STS: variants seen among roughly 807,000 people sequenced by gnomAD.
STS encodes steryl-sulfatase.
In STS, 7 loss-of-function variants were observed where a neutral mutation model predicts 26.8. The ratio of observed to expected loss-of-function variants is 0.26; its 90% CI spans 0.15 to 0.49. The LOEUF (loss-of-function observed/expected upper bound fraction) is 0.49, where lower values mean the gene tolerates loss of function less well. STS is among the 20% of genes least tolerant of loss of function. The pLI, the probability that STS is intolerant of heterozygous loss-of-function variation, is 0.98. For synonymous variants in STS, 199 were observed against 189.4 expected (o/e 1.05, Z -0.42); for missense variants, 434 against 465.6 (o/e 0.93, Z 0.63).
intron 2 of STS, among the ~76,000 whole-genome samples, chrX:7,209,615 T>G (rs963595585): frequency 7.5e-5 from 8 of 106,434 alleles, no homozygotes; most frequent in Non-Finnish European, 1.4e-4. Flanking sequence ...TATATTTTAT[T>G]TTTATTTTTA....
intron 6 of STS, among the ~76,000 whole-genome samples, chrX:7,272,217 C>CATAT (rs372911748): frequency 0.35 from 32,640 of 93,807 alleles, 4,433 homozygotes; most frequent in East Asian, 0.37. Flanking sequence ...AATTTAATTA[C>CATAT]ATATATATAT....
intron 2 of STS, among the ~76,000 whole-genome samples, chrX:7,245,715 A>T (rs772418518): frequency 8.9e-6 from 1 of 112,357 alleles, no homozygotes; most frequent in East Asian, 2.8e-4. Flanking sequence ...TTGTATCATC[A>T]GTGCTGAGAA....
At chrX:7,237,642 T>C (rs1922385471) in intron 2 of STS, among the ~76,000 whole-genome samples, 2 of 112,084 alleles carry the variant, frequency 1.8e-5, no homozygotes, top group African/African-American at 6.5e-5. Context: ...TTACTGAGTG[T>C]GTCTGTGAGG....
chrX:7,350,428 C>A lies in STS; in HGVS notation c.*167C>A. 1.5e-6 allele frequency: 1 copy of A among 676,233 alleles called. No individual in the cohort carries two copies. The highest frequency in any genetic ancestry group is 2.2e-6 in the Non-Finnish European group (1 of 453,456). 55.7% of individuals were successfully genotyped at this position (676,233 alleles called of 1,213,427 possible). A position where few individuals can be genotyped will look rare whatever the true frequency, so the allele number is the denominator to read the frequency against. Reference sequence around the variant, plus strand: ...GGGCCAGAGCTCAACAGCTACTCAACTGGAGGGGTGAGGGGGATAAGGTCT... The same window carrying A: ...GGGCCAGAGCTCAACAGCTACTCAAATGGAGGGGTGAGGGGGATAAGGTCT... On this transcript the variant is annotated 3_prime_UTR_variant, in exon 11 of 11. Coordinates refer to ENST00000674429, the MANE Select transcript of STS (RefSeq NM_001320752.2).
intron 2 of STS, among the ~76,000 whole-genome samples, chrX:7,198,422 C>T (rs1420975489): frequency 8.1e-5 from 9 of 111,329 alleles, no homozygotes. Flanking sequence ...CAATCTTAGG[C>T]ATTCCAATAG....
At chrX:7,292,144 C>T (rs1925450739) in intron 7 of STS, among the ~76,000 whole-genome samples, 1 of 112,794 alleles carries the variant, frequency 8.9e-6, no homozygotes, top group Admixed American at 9.4e-5. Context: ...TGCAATTAAG[C>T]ATAGGAAGGA....
At chrX:7,283,054 G>C (rs753162596) in intron 7 of STS, among the ~76,000 whole-genome samples, 177 of 112,316 alleles carry the variant, frequency 1.6e-3, no homozygotes, top group Non-Finnish European at 2.2e-3. Context: ...TGTTCTATTT[G>C]ACATTCTTTG....
intron 2 of STS, among the ~76,000 whole-genome samples, chrX:7,204,789 A>C (rs1601650084): frequency 8.8e-5 from 7 of 79,215 alleles, no homozygotes; most frequent in Admixed American, 1.6e-4. Context: ...TTTCCTCCTA[A>C]CTTCCTCTCT....
intron 6 of STS, among the ~76,000 whole-genome samples, chrX:7,267,687 T>C (rs1463801857): frequency 8.9e-6 from 1 of 112,380 alleles, no homozygotes; most frequent in Non-Finnish European, 1.9e-5. Context: ...GCAATGACTT[T>C]ATACACACCT....
chrX:7,323,537 C>A (rs754806424), intron 8 of STS, among the ~76,000 whole-genome samples: 3 of 111,589 alleles, frequency 2.7e-5, no homozygotes, highest in Non-Finnish European at 5.6e-5. Flanking sequence ...TACCATGTTG[C>A]TACAAAGGAC....
chrX:7,236,090 ATTTATCTATTTTATT>A (rs1410366889), intron 2 of STS, among the ~76,000 whole-genome samples: 2 of 112,173 alleles, frequency 1.8e-5, no homozygotes, highest in East Asian at 5.6e-4. Flanking sequence ...ATCCTATTAC[ATTTATCTATTTTATT>A]TTGTTTACCT....
chrX:7,319,986 A>T (rs1295101433), intron 8 of STS, among the ~76,000 whole-genome samples: 1 of 90,282 alleles, frequency 1.1e-5, no homozygotes, highest in East Asian at 3.1e-4. Flanking sequence ...ATGTATATAT[A>T]TTTATATATA....
chrX:7,254,302 G>A (rs1923290231), intron 3 of STS, among the ~76,000 whole-genome samples: 2 of 111,953 alleles, frequency 1.8e-5, no homozygotes, highest in Admixed American at 1.9e-4. Flanking sequence ...CCCAGAAGTG[G>A]GTGTTTTGTT....
intron 7 of STS, among the ~76,000 whole-genome samples, chrX:7,288,081 A>G (rs1372907708): frequency 9.4e-6 from 1 of 106,406 alleles, no homozygotes; most frequent in African/African-American, 3.4e-5. Flanking sequence ...TCTTTTTCTT[A>G]TTGATTTGTT....
At chrX:7,264,508 G>A (rs746216321) in intron 6 of STS, among the ~76,000 whole-genome samples, 7 of 111,779 alleles carry the variant, frequency 6.3e-5, no homozygotes, top group Non-Finnish European at 1.1e-4. Context: ...GTATGGTGGC[G>A]TATAATGTAG....
chrX:7,294,301 T>C (rs1481380353), intron 7 of STS, among the ~76,000 whole-genome samples: 2 of 111,088 alleles, frequency 1.8e-5, no homozygotes, highest in Non-Finnish European at 3.8e-5. Flanking sequence ...GTTTCCATGG[T>C]ATCTTCCATT....
At chrX:7,283,915 G>A (rs1601712706) in intron 7 of STS, among the ~76,000 whole-genome samples, 1 of 111,094 alleles carries the variant, frequency 9.0e-6, no homozygotes, top group East Asian at 2.9e-4. Context: ...CAGGTGCATG[G>A]CATGCCTGCT....
At position 7,206,085 on chromosome X, in the gene STS, G is replaced by T. The variant is rs181688820; in HGVS notation, c.-5+15077G>T. ...GTATCCTAAGGTTCCATGAAAATGG[G>T]CTTTGCTCTGGGTTTATATTCCTTC... On this transcript the variant is annotated intron_variant, in intron 2 of 10. Coordinates refer to ENST00000674429, the MANE Select transcript of STS (RefSeq NM_001320752.2). Among the ~76,000 whole-genome samples the T allele has an allele frequency of 9.8e-4, 109 of 111,780 alleles. 1 individual carries two copies. Among genetic ancestry groups the T allele is most frequent in the Non-Finnish European group, 1.7e-3 (88 of 53,090 alleles).
chrX:7,296,571 G>A (rs1358505924), intron 7 of STS, among the ~76,000 whole-genome samples: 1 of 112,080 alleles, frequency 8.9e-6, no homozygotes, highest in Non-Finnish European at 1.9e-5. Context: ...CCCAGACACC[G>A]GAAGGAGTAT....
Sources: gnomAD v4.1 joint callset for allele counts (sites outside exome capture counted in the v4.1 genomes callset) on GRCh38, gnomAD v4.1.1 for gene constraint, MANE v1.5 for transcripts, NCBI Gene and HGNC (gene_info 2026-07-23, HGNC 2026-07-21) for gene names.